The following CTTNBP2 variants were observed in gnomAD, a reference collection of about 807,000 sequenced individuals.
The protein encoded by CTTNBP2 is cortactin-binding protein 2.
CTTNBP2 carries 108 observed loss-of-function variants against 156.9 expected under a neutral mutation model. The observed-to-expected ratio is 0.69, with a 90% CI of 0.59 to 0.81. The LOEUF is 0.81. Ranked by LOEUF, CTTNBP2 falls within the 30% of genes least tolerant of loss-of-function variation. The pLI, the probability that CTTNBP2 is intolerant of heterozygous loss-of-function variation, is 0.00. For missense variants in CTTNBP2, 1,924 were observed against 2,035.4 expected (o/e 0.95, Z 1.05); for synonymous variants, 767 against 751.8 (o/e 1.02, Z -0.33).
At chr7:117,763,925 G>T (rs192655239) in intron 9 of CTTNBP2, among the ~76,000 whole-genome samples, 64 of 151,788 alleles carry the variant, frequency 4.2e-4, no homozygotes, top group African/African-American at 1.5e-3. Flanking sequence ...TTCTTTTAGG[G>T]TCATTTTTAA....
In CTTNBP2 at chr7:117,725,051, C is replaced by T; in HGVS notation, c.4261+1G>A. 1 of 1,612,092 alleles carries T rather than the reference C, an allele frequency of 6.2e-7. No individual in the cohort carries two copies. The highest frequency in any genetic ancestry group is 8.5e-7 in the Non-Finnish European group (1 of 1,179,760). On this transcript the variant is annotated splice_donor_variant, in intron 18 of 22. Coordinates refer to ENST00000160373, the MANE Select transcript of CTTNBP2 (RefSeq NM_033427.3). LOFTEE classifies it high-confidence loss of function. ...TCTCCTCTCTGCAGAAACCCACATA[C>T]CTGCTCTGGGGAGGGGACAGCCATG...
In CTTNBP2 at chr7:117,718,015, TACCTTTTGTGACACTGGC is replaced by T. The variant is rs765789444; in HGVS notation, c.4731_4746+2del. 6.3e-7 allele frequency: 1 copy of T among 1,582,888 alleles called. No homozygotes were observed. The highest frequency in any genetic ancestry group is 8.7e-7 in the Non-Finnish European group (1 of 1,151,638). ...TTCACTTTGGGGAGAAAGGGACACTTACCTTTTGTGACACTGGCATTCTCAGATTATTAATAGTTGCTG... is the reference window on the plus strand; with the variant it reads ...TTCACTTTGGGGAGAAAGGGACACTTATTCTCAGATTATTAATAGTTGCTG... On this transcript the variant is annotated splice_donor_variant and coding_sequence_variant, in exon 22 of 23. Transcript: ENST00000160373. LOFTEE classifies it high-confidence loss of function.
chr7:117,762,926 T>C (rs1797287423), intron 9 of CTTNBP2, among the ~76,000 whole-genome samples: 1 of 152,194 alleles, frequency 6.6e-6, no homozygotes, highest in African/African-American at 2.4e-5. Flanking sequence ...CAGGCCTCTG[T>C]CCAACTCGTG....
At chr7:117,758,526 G>A (rs188477174) in intron 10 of CTTNBP2, among the ~76,000 whole-genome samples, 1 of 152,148 alleles carries the variant, frequency 6.6e-6, no homozygotes, top group African/African-American at 2.4e-5. Context: ...ATCTTCCCTA[G>A]GGGATGATTG....
At position 117,831,449 on chromosome 7, in the gene CTTNBP2, GT is replaced by G. The variant is rs1398843145; in HGVS notation, c.190-20461del. Among the ~76,000 whole-genome samples the G allele has an allele frequency of 9.2e-5, 14 of 152,176 alleles. 1 individual carries two copies. Among genetic ancestry groups the G allele is most frequent in the African/African-American group, 3.4e-4 (14 of 41,528 alleles). On this transcript the variant is annotated intron_variant, in intron 2 of 22. Coordinates refer to ENST00000160373, the MANE Select transcript of CTTNBP2 (RefSeq NM_033427.3). ...TGAGGAGGATAAGGAGTGTAGTGAA[GT>G]TTAGAATGTCCACCTTGAGCCACAG...
Position 117,791,424 on chromosome 7 carries a change from A to C in CTTNBP2, c.1772T>G (p.Leu591Trp). ...NKTVASTPSS[L>W]PQGNRVINEE... ...ATTGATCACCCTGTTCCCTTGTGGCAAACTGGAAGGAGTCGAAGCCACAGT... is the reference window on the plus strand; with the variant it reads ...ATTGATCACCCTGTTCCCTTGTGGCCAACTGGAAGGAGTCGAAGCCACAGT... Residue 591 changes from leucine to tryptophan, a missense_variant, in exon 4 of 23, where the codon TTG becomes TGG. Leu to Trp is a moderately conservative substitution (Grantham distance 61). Coordinates refer to ENST00000160373, the MANE Select transcript of CTTNBP2 (RefSeq NM_033427.3). 6.2e-7 allele frequency: 1 copy of C among 1,614,198 alleles called. No homozygotes were observed.
At position 117,735,050 on chromosome 7, in the gene CTTNBP2, C is replaced by A; in HGVS notation, c.3739G>T (p.Gly1247Ter). The A allele has an allele frequency of 1.2e-6, 2 of 1,614,136 alleles. No individual in the cohort carries two copies. Among genetic ancestry groups the A allele is most frequent in the East Asian group, 2.2e-5 (1 of 44,878 alleles). The change falls in exon 16 of 23, where the codon GGA (glycine) becomes TGA (stop). Residue 1247 changes from glycine to a stop codon, truncating the protein, a stop_gained. Coordinates refer to ENST00000160373, the MANE Select transcript of CTTNBP2 (RefSeq NM_033427.3). LOFTEE classifies it high-confidence loss of function. ...YYFHENCFLMGTIAKACLQGS... is the reference protein window; with the variant it reads ...YYFHENCFLM ...TGGAGACAGGCCTTGGCGATGGTTC[C>A]CATCAGAAAGCAGTTCTCATGAAAG...
chr7:117,830,233 C>T (rs1369654825), intron 2 of CTTNBP2, among the ~76,000 whole-genome samples: 1 of 152,148 alleles, frequency 6.6e-6, no homozygotes, highest in Non-Finnish European at 1.5e-5. Flanking sequence ...TGCACAAGTA[C>T]ATGTACAGCG....
rs141055503 is a variant in CTTNBP2 at position 117,792,444 on chromosome 7, T to C, written c.752A>G (p.His251Arg). Residue 251 changes from histidine (H) to arginine (R), a missense_variant, in exon 4 of 23, where the codon CAC becomes CGC. Coordinates refer to ENST00000160373, the MANE Select transcript of CTTNBP2 (RefSeq NM_033427.3). This position sits in a 1 kb window ranked among gnomAD's most constrained non-coding sequence, Gnocchi z 4.2. Reference protein sequence around the residue: ...LRAKLNREEAHTTDLKEEIDK... With the variant: ...LRAKLNREEARTTDLKEEIDK... ...TATCTCCTCTTTGAGGTCAGTGGTG[T>C]GTGCTTCTTCCCGGTTCAGCTTGGC... 1 of 1,614,224 alleles carries C rather than the reference T, an allele frequency of 6.2e-7. No individual in the cohort carries two copies. Among genetic ancestry groups the C allele is most frequent in the Non-Finnish European group, 8.5e-7 (1 of 1,180,044 alleles).
chr7:117,768,160 T>G (rs965120615), intron 8 of CTTNBP2, among the ~76,000 whole-genome samples: 24 of 151,914 alleles, frequency 1.6e-4, no homozygotes, highest in African/African-American at 5.6e-4. Flanking sequence ...AACAACATAT[T>G]AAACCAGGTC....
chr7:117,811,426 T>A (rs1182119997), intron 2 of CTTNBP2, among the ~76,000 whole-genome samples: 1 of 151,934 alleles, frequency 6.6e-6, no homozygotes, highest in Non-Finnish European at 1.5e-5. Flanking sequence ...TCAGCCTGTC[T>A]TATAGCTGGA....
intron 4 of CTTNBP2, chr7:117,786,514 C>G (rs1045051322): frequency 2.6e-6 from 1 of 377,382 alleles, no homozygotes; most frequent in Non-Finnish European, 5.2e-6. Context: ...ATTATAAACA[C>G]GAAGGCATAA....
intron 2 of CTTNBP2, among the ~76,000 whole-genome samples, chr7:117,836,499 C>T (rs527869721): frequency 2.6e-5 from 4 of 152,136 alleles, no homozygotes; most frequent in Admixed American, 2.6e-4. Flanking sequence ...AGAGGCGGAG[C>T]TGGCAGTGAG....
rs749100275 is a variant in CTTNBP2, at chr7:117,777,536, T to G, written c.2753A>C (p.His918Pro). ...CTTAAAACCTTTGGAAGCAGCAATG[T>G]GGGCAGCAGTCCAGCCTTCTCTGTT... ...HANREGWTAA[H>P]IAASKGFKNC... Residue 918 changes from histidine (H) to proline (P), a missense_variant, in exon 8 of 23, where the codon CAC (histidine) becomes CCC (proline). Transcript: ENST00000160373. 6.2e-7 allele frequency: 1 copy of G among 1,613,288 alleles called. No homozygotes were observed. The highest frequency in any genetic ancestry group is 8.5e-7 in the Non-Finnish European group (1 of 1,179,832).
intron 3 of CTTNBP2, among the ~76,000 whole-genome samples, chr7:117,802,437 C>CAAAAAAAAAA (rs759797673): frequency 1.6e-3 from 136 of 83,242 alleles, no homozygotes; most frequent in Middle Eastern, 0.014. Flanking sequence ...TCAGCATTGG[C>CAAAAAAAAAA]AAAAAAAAAA....
At chr7:117,739,712 A>G (rs919079247) in intron 14 of CTTNBP2, among the ~76,000 whole-genome samples, 3 of 152,184 alleles carry the variant, frequency 2.0e-5, no homozygotes, top group Non-Finnish European at 4.4e-5. Context: ...ACAGAAAACA[A>G]CCCCTCTTTT....
At chr7:117,871,844 TCACA>T (rs71150640) in intron 1 of CTTNBP2, 4,553 of 308,720 alleles carry the variant, frequency 0.015, 50 homozygotes, top group East Asian at 0.03. Context: ...TCCTTCCCCT[TCACA>T]CACACACACA....
Position 117,735,381 on chromosome 7 carries a change from TTTC to T in CTTNBP2, c.3573_3575del (p.Lys1192del). 2.5e-6 allele frequency: 4 copies of T among 1,613,530 alleles called. No individual in the cohort carries two copies. The Middle Eastern group carries it at 6.6e-4, about 267-fold the overall frequency. On this transcript the variant is annotated inframe_deletion, in exon 15 of 23. Transcript: ENST00000160373. ...CTAAATTTTCTAAAATGATGATGAT[TTTC>T]TTCTTACTGGGAGATTGTTTCACTG...
chr7:117,826,249 T>A (rs1338908169), intron 2 of CTTNBP2, among the ~76,000 whole-genome samples: 1 of 152,106 alleles, frequency 6.6e-6, no homozygotes, highest in Non-Finnish European at 1.5e-5. Context: ...TACAGAAACA[T>A]GCATGAACAT....
Sources: allele counts gnomAD v4.1 joint callset (sites outside exome capture counted in the v4.1 genomes callset), GRCh38; gene constraint gnomAD v4.1.1; non-coding constraint Gnocchi (gnomAD v3.1); transcripts MANE v1.5; gene names NCBI Gene and HGNC (gene_info 2026-07-23, HGNC 2026-07-21).